SEMA6D: variants seen among roughly 807,000 people sequenced by gnomAD.
The protein encoded by SEMA6D is semaphorin-6D.
Under a neutral mutation model 106.6 loss-of-function variants are expected in SEMA6D, and 35 were observed. That is an observed-to-expected ratio of 0.33 (90% confidence interval 0.25 to 0.44). The LOEUF is 0.44. Among genes scored for constraint, SEMA6D ranks in the 20% least tolerant of loss-of-function variants. The probability of loss-of-function intolerance (pLI) is 1.00; values close to 1 mark genes in which losing one functional copy is unlikely to be tolerated. For synonymous variants in SEMA6D, 499 were observed against 487.7 expected (o/e 1.02, Z -0.31); for missense variants, 1,185 against 1,345.9 (o/e 0.88, Z 1.87).
intron 1 of SEMA6D, among the ~76,000 whole-genome samples, chr15:47,209,908 G>T (rs1375288116): frequency 6.6e-6 from 1 of 152,192 alleles, no homozygotes; most frequent in Admixed American, 6.5e-5. Flanking sequence ...AGCCCTTAAA[G>T]TGGAATGACC....
chr15:47,398,732 T>A (rs1195547980), intron 1 of SEMA6D, among the ~76,000 whole-genome samples: 1 of 152,190 alleles, frequency 6.6e-6, no homozygotes, highest in African/African-American at 2.4e-5. Context: ...AATCACTCCT[T>A]TGTCCTGGTG....
intron 3 of SEMA6D, among the ~76,000 whole-genome samples, chr15:47,536,532 G>T (rs1298820201): frequency 3.3e-5 from 5 of 152,180 alleles, no homozygotes; most frequent in Non-Finnish European, 5.9e-5. Flanking sequence ...AGTCTTAGAA[G>T]GGTCTAGGTG....
At chr15:47,545,857 AATCCATCTGCCC>A (rs1410248449) in intron 3 of SEMA6D, among the ~76,000 whole-genome samples, 1 of 152,046 alleles carries the variant, frequency 6.6e-6, no homozygotes, top group Non-Finnish European at 1.5e-5. Flanking sequence ...ATCTCTTCCT[AATCCATCTGCCC>A]TCCTTATCAT....
At chr15:47,541,359 C>CA (rs1231993424) in intron 3 of SEMA6D, among the ~76,000 whole-genome samples, 2 of 152,038 alleles carry the variant, frequency 1.3e-5, no homozygotes, top group African/African-American at 4.8e-5. Flanking sequence ...AATAATCCCC[C>CA]AAAAAAATTC....
intron 3 of SEMA6D, among the ~76,000 whole-genome samples, chr15:47,598,536 C>T (rs1320657775): frequency 1.3e-5 from 2 of 152,088 alleles, no homozygotes; most frequent in East Asian, 1.9e-4. Flanking sequence ...GTTAAAATAG[C>T]CCATTAATAT....
chr15:47,635,496 T>A (rs2077370978), intron 4 of SEMA6D, among the ~76,000 whole-genome samples: 1 of 152,166 alleles, frequency 6.6e-6, no homozygotes, highest in Admixed American at 6.5e-5. Context: ...CAGACAGATG[T>A]CTTAAGATGC....
At chr15:47,326,880 T>C (rs1443270475) in intron 1 of SEMA6D, among the ~76,000 whole-genome samples, 1 of 152,158 alleles carries the variant, frequency 6.6e-6, no homozygotes, top group African/African-American at 2.4e-5. Context: ...CACTGGTGAC[T>C]CCCTGGAAAA....
chr15:47,450,336 A>T (rs931994933), intron 2 of SEMA6D, among the ~76,000 whole-genome samples: 20 of 152,200 alleles, frequency 1.3e-4, no homozygotes, highest in African/African-American at 4.8e-4. Context: ...ACTGGAATGC[A>T]ATGCTCCCAC....
At chr15:47,646,860 A>G (rs924297117) in intron 4 of SEMA6D, among the ~76,000 whole-genome samples, 4 of 152,202 alleles carry the variant, frequency 2.6e-5, no homozygotes, top group African/African-American at 9.7e-5. Flanking sequence ...AAACTGTGGT[A>G]AACAAATTTC....
At chr15:47,260,057 T>TTTATAAAA (rs2033999808) in intron 1 of SEMA6D, among the ~76,000 whole-genome samples, 1 of 152,042 alleles carries the variant, frequency 6.6e-6, no homozygotes, top group Admixed American at 6.6e-5. Flanking sequence ...TTTGGTTCTT[T>TTTATAAAA]TTATAAAATT....
intron 1 of SEMA6D, among the ~76,000 whole-genome samples, chr15:47,394,416 A>G (rs551296602): frequency 6.6e-6 from 1 of 152,292 alleles, no homozygotes; most frequent in East Asian, 1.9e-4. Context: ...TGCAACCAGA[A>G]TGCAGACAGA....
chr15:47,592,688 A>G (rs2076461551), intron 3 of SEMA6D, among the ~76,000 whole-genome samples: 1 of 152,196 alleles, frequency 6.6e-6, no homozygotes, highest in African/African-American at 2.4e-5. Context: ...ATTTGCATCT[A>G]GAAGGGCCCT....
chr15:47,616,926 A>G (rs560857054), intron 4 of SEMA6D, among the ~76,000 whole-genome samples: 10 of 152,304 alleles, frequency 6.6e-5, no homozygotes, highest in South Asian at 4.1e-4. Context: ...AGCAGCTTCA[A>G]CTGAACTGCT....
intron 4 of SEMA6D, among the ~76,000 whole-genome samples, chr15:47,681,784 A>C (rs1396012138): frequency 6.6e-6 from 1 of 152,204 alleles, no homozygotes; most frequent in Non-Finnish European, 1.5e-5. Context: ...ATTAATTGTA[A>C]AACATTGTGA....
chr15:47,521,942 G>A (rs1360497948), intron 3 of SEMA6D, among the ~76,000 whole-genome samples: 1 of 150,292 alleles, frequency 6.7e-6, no homozygotes, highest in Non-Finnish European at 1.5e-5. Flanking sequence ...CCGAGATGGC[G>A]CCACTGCACT....
chr15:47,734,076 A>G (rs2080302965), intron 1 of SEMA6D, among the ~76,000 whole-genome samples: 1 of 152,182 alleles, frequency 6.6e-6, no homozygotes, highest in Admixed American at 6.5e-5. Context: ...AAGGTTTATC[A>G]TGTTGTGAAG....
intron 1 of SEMA6D, among the ~76,000 whole-genome samples, chr15:47,254,443 C>T (rs938863302): frequency 6.6e-5 from 10 of 151,200 alleles, no homozygotes; most frequent in East Asian, 1.9e-4. Context: ...CTAGTTGCTC[C>T]GGCTGGTACT....
rs117442769 is a variant in SEMA6D, at chr15:47,596,635, A to G, written c.-86-4230A>G. ...AACCCAGAAATGAACTCACACATCA[A>G]TGGTCTATTAATTTTTAACAAAAGT... On this transcript the variant is annotated intron_variant, in intron 3 of 19. Coordinates refer to the SEMA6D transcript ENST00000558014. Among the ~76,000 whole-genome samples, 1,058 of 152,242 alleles carry G rather than the reference A, an allele frequency of 6.9e-3. 5 individuals carry two copies. Among genetic ancestry groups the G allele is most frequent in the Admixed American group, 0.018 (282 of 15,288 alleles).
chr15:47,521,529 G>A (rs2044576825), intron 3 of SEMA6D, among the ~76,000 whole-genome samples: 1 of 152,108 alleles, frequency 6.6e-6, no homozygotes, highest in Non-Finnish European at 1.5e-5. Flanking sequence ...TTGAGTAAAT[G>A]GATGACTCCT....
Sources: allele counts gnomAD v4.1 joint callset (sites outside exome capture counted in the v4.1 genomes callset), GRCh38; gene constraint gnomAD v4.1.1; transcripts MANE v1.5; gene names NCBI Gene and HGNC (gene_info 2026-07-23, HGNC 2026-07-21).